NPAS3: variants seen among roughly 807,000 people sequenced by gnomAD.
NPAS3 encodes neuronal PAS domain protein 3, also known as neuronal PAS domain-containing protein 3.
A neutral mutation model predicts 73.1 loss-of-function variants in NPAS3; 14 were observed. The ratio of observed to expected loss-of-function variants is 0.19; its 90% CI spans 0.13 to 0.30. The LOEUF (loss-of-function observed/expected upper bound fraction) is 0.30, where lower values mean the gene tolerates loss of function less well. Among genes scored for constraint, NPAS3 ranks in the 10% least tolerant of loss-of-function variants. NPAS3 has a pLI of 1.00. For missense variants in NPAS3, 1,096 were observed against 1,250.0 expected, an observed-to-expected ratio of 0.88 and a Z score of 1.86; for synonymous variants, 620 against 541.5, an observed-to-expected ratio of 1.14 and a Z score of -2.01.
chr14:33,287,443 C>T (rs1212995517), intron 3 of NPAS3, among the ~76,000 whole-genome samples: 4 of 152,212 alleles, frequency 2.6e-5, no homozygotes, highest in South Asian at 2.1e-4. Context: ...GAGCAGGAAG[C>T]GAGAAAGAGA....
chr14:33,696,842 TGAG>T (rs2060397300), intron 6 of NPAS3, among the ~76,000 whole-genome samples: 1 of 152,186 alleles, frequency 6.6e-6, no homozygotes, highest in African/African-American at 2.4e-5. Context: ...GAAGAGAAGT[TGAG>T]GAGTTACCCC....
rs2046712937 is a variant in NPAS3 at position 33,384,918 on chromosome 14, C to G, written c.468+17650C>G. ...AGTTCTTTACCAGGGAAGCCCGGGCCACACGTTGGGGATTGAGATGGAGAA... is the reference window on the plus strand; with the variant it reads ...AGTTCTTTACCAGGGAAGCCCGGGCGACACGTTGGGGATTGAGATGGAGAA... On this transcript the variant is annotated intron_variant, in intron 4 of 11. Transcript: ENST00000356141. 1.3e-5 allele frequency among the ~76,000 whole-genome samples: 2 copies of G among 152,070 alleles called. 1 individual carries two copies. Among genetic ancestry groups the G allele is most frequent in the South Asian group, 4.1e-4 (2 of 4,830 alleles).
chr14:33,766,176 T>C (rs540379296), intron 7 of NPAS3, among the ~76,000 whole-genome samples: 1 of 152,360 alleles, frequency 6.6e-6, no homozygotes, highest in Admixed American at 6.5e-5. Context: ...TTCACATGCA[T>C]ACGTGTACCT....
intron 3 of NPAS3, among the ~76,000 whole-genome samples, chr14:33,240,414 C>T (rs575818472): frequency 3.3e-5 from 5 of 151,698 alleles, no homozygotes; most frequent in African/African-American, 1.2e-4. Context: ...ATGTACCTCT[C>T]TAAGCTGTAT....
intron 3 of NPAS3, among the ~76,000 whole-genome samples, chr14:33,291,465 T>C (rs2042097197): frequency 6.6e-6 from 1 of 152,220 alleles, no homozygotes. Flanking sequence ...AAGTAAATGT[T>C]GATTTTATCA....
chr14:33,395,887 A>G (rs911791882), intron 4 of NPAS3, among the ~76,000 whole-genome samples: 17 of 152,164 alleles, frequency 1.1e-4, no homozygotes, highest in African/African-American at 3.9e-4. Context: ...TCTGCATTTC[A>G]TCTTATCTCC....
At chr14:32,986,373 C>T (rs558749019) in intron 1 of NPAS3, among the ~76,000 whole-genome samples, 2 of 152,122 alleles carry the variant, frequency 1.3e-5, no homozygotes, top group Non-Finnish European at 2.9e-5. Flanking sequence ...CTACTGGGTG[C>T]CTTCCTTCCA....
intron 2 of NPAS3, among the ~76,000 whole-genome samples, chr14:33,187,869 CTTG>C (rs1321211972): frequency 6.6e-6 from 1 of 152,044 alleles, no homozygotes; most frequent in Non-Finnish European, 1.5e-5. Context: ...GTTACTTCTT[CTTG>C]TTACCTTATT....
chr14:33,223,836 CAA>C lies in NPAS3; in HGVS notation c.385+8420_385+8421del, dbSNP rs71118533. 9.9e-4 allele frequency among the ~76,000 whole-genome samples: 147 copies of C among 148,908 alleles called. 1 individual carries two copies. Among genetic ancestry groups the C allele is most frequent in the African/African-American group, 2.3e-3 (92 of 40,740 alleles). On this transcript the variant is annotated intron_variant, in intron 3 of 11. Coordinates refer to ENST00000356141, the Ensembl canonical transcript of NPAS3. ...CTTCTATGTGTTCAAAAATGTATGG[CAA>C]AAAAAAAAATTTTTTTTTGTTTGTA...
intron 6 of NPAS3, among the ~76,000 whole-genome samples, chr14:33,718,854 G>A (rs995860368): frequency 1.2e-4 from 19 of 152,240 alleles, no homozygotes; most frequent in East Asian, 5.8e-4. Flanking sequence ...GGCCAGGTAC[G>A]GTGGCTCACA....
intron 4 of NPAS3, among the ~76,000 whole-genome samples, chr14:33,551,808 T>C (rs993355974): frequency 2.6e-5 from 4 of 152,180 alleles, no homozygotes; most frequent in Non-Finnish European, 5.9e-5. Flanking sequence ...TGGGAATTTC[T>C]TCAAAGTCTG....
At chr14:33,122,323 G>C (rs184717899) in intron 2 of NPAS3, among the ~76,000 whole-genome samples, 1 of 152,194 alleles carries the variant, frequency 6.6e-6, no homozygotes, top group Non-Finnish European at 1.5e-5. Context: ...TGGGAAATTG[G>C]AACTATATAA....
chr14:33,707,527 G>C (rs1290873512), intron 6 of NPAS3, among the ~76,000 whole-genome samples: 1 of 152,024 alleles, frequency 6.6e-6, no homozygotes, highest in African/African-American at 2.4e-5. Context: ...GAATCTCTTC[G>C]CCTGTCCCAG....
At chr14:33,690,325 G>A (rs917171534) in intron 6 of NPAS3, among the ~76,000 whole-genome samples, 6 of 60,448 alleles carry the variant, frequency 9.9e-5, no homozygotes, top group African/African-American at 3.4e-4. Context: ...ATCAGTAAAA[G>A]CAAGAGAGAT....
At chr14:33,284,620 AT>A (rs949462565) in intron 3 of NPAS3, among the ~76,000 whole-genome samples, 22 of 152,084 alleles carry the variant, frequency 1.4e-4, no homozygotes, top group South Asian at 4.2e-4. Flanking sequence ...CTTCAAAATG[AT>A]TTTTTTTCTC....
intron 4 of NPAS3, among the ~76,000 whole-genome samples, chr14:33,497,474 C>T (rs1044839640): frequency 1.3e-4 from 20 of 152,056 alleles, no homozygotes; most frequent in Admixed American, 5.9e-4. Context: ...GTAACCAAAA[C>T]GGCATGGTAC....
intron 3 of NPAS3, among the ~76,000 whole-genome samples, chr14:33,336,468 G>C (rs775934075): frequency 4.7e-4 from 72 of 152,302 alleles, no homozygotes; most frequent in Middle Eastern, 3.4e-3. Context: ...AGGGGTCCTT[G>C]CCTTGTGGCT....
intron 2 of NPAS3, among the ~76,000 whole-genome samples, chr14:33,077,100 C>T (rs967969374): frequency 3.3e-5 from 5 of 152,076 alleles, no homozygotes; most frequent in Non-Finnish European, 5.9e-5. Flanking sequence ...GTTTACTGTC[C>T]TGTGGAGGTA....
intron 7 of NPAS3, among the ~76,000 whole-genome samples, chr14:33,754,141 G>T (rs10129931): frequency 0.066 from 10,074 of 152,166 alleles, 1,063 homozygotes; most frequent in African/African-American, 0.23. Flanking sequence ...ATTGGGTGAA[G>T]GAAAGAAGCT....
Sources: gnomAD v4.1 joint callset for allele counts (sites outside exome capture counted in the v4.1 genomes callset) on GRCh38, gnomAD v4.1.1 for gene constraint, MANE v1.5 for transcripts, NCBI Gene and HGNC (gene_info 2026-07-23, HGNC 2026-07-21) for gene names.